STRBP: variants seen among roughly 807,000 people sequenced by gnomAD.
The protein encoded by STRBP is spermatid perinuclear RNA-binding protein.
Under a neutral mutation model 80.1 loss-of-function variants are expected in STRBP, and 13 were observed. The ratio of observed to expected loss-of-function variants is 0.16; its 90% CI spans 0.11 to 0.26. The LOEUF (loss-of-function observed/expected upper bound fraction) is 0.26. Among genes scored for constraint, STRBP ranks in the 10% least tolerant of loss-of-function variants. The probability of loss-of-function intolerance (pLI) is 1.00; values close to 1 mark genes in which losing one functional copy is unlikely to be tolerated. For missense variants in STRBP, 485 were observed against 815.2 expected, an observed-to-expected ratio of 0.59 and a Z score of 4.93; for synonymous variants, 284 against 291.2, an observed-to-expected ratio of 0.98 and a Z score of 0.25.
At chr9:123,140,965 T>C (rs992805099) in intron 13 of STRBP, among the ~76,000 whole-genome samples, 4 of 152,236 alleles carry the variant, frequency 2.6e-5, no homozygotes, top group African/African-American at 4.8e-5. Flanking sequence ...GAGGTTGATA[T>C]AGCTTTGTCA....
Position 123,203,353 on chromosome 9 carries a change from G to GAA in STRBP, c.-164-19057_-164-19056dup, listed in dbSNP as rs199781674. ...ACAGCAAGATCCCATCCCTAAAAAA[G>GAA]AAAAAAAAAAAAGAATCTAAATTAC... On this transcript the variant is annotated intron_variant, in intron 2 of 18. Transcript: ENST00000348403. Among the ~76,000 whole-genome samples the GAA allele has an allele frequency of 1.6e-4, 22 of 135,094 alleles. No individual in the cohort carries two copies. The East Asian group carries it at 3.0e-3, about 19-fold the overall frequency. 88.6% of individuals were successfully genotyped at this position (135,094 alleles called of 152,430 possible). A position where few individuals can be genotyped will look rare whatever the true frequency, so the allele number is the denominator to read the frequency against.
At chr9:123,137,871 T>C (rs1419551802) in intron 14 of STRBP, among the ~76,000 whole-genome samples, 1 of 152,184 alleles carries the variant, frequency 6.6e-6, no homozygotes, top group Non-Finnish European at 1.5e-5. Context: ...TAAACATCTC[T>C]TCTTGATGAG....
At position 123,110,670 on chromosome 9, in the gene STRBP, G is replaced by A. The variant is rs567993266; in HGVS notation, c.*85-917C>T. The stretch of plus-strand genomic sequence containing the variant: ...TAAGCCCTGGTATGCTGGAAAGGAC[G>A]TCCACCTGGAGGCTGGAGACAGCTC... On this transcript the variant is annotated intron_variant and NMD_transcript_variant, in intron 3 of 3. Coordinates refer to the STRBP transcript ENST00000471564. The surrounding 1 kb of genome is among the most constrained non-coding windows in gnomAD (Gnocchi z 4.1). 11 of 169,520 alleles carry A rather than the reference G, an allele frequency of 6.5e-5. No homozygotes were observed. The South Asian group carries it at 8.1e-4, about 13-fold the overall frequency. The allele number at this position is 169,520 out of a possible 1,614,324, so 10.5% of individuals were successfully genotyped here.
intron 1 of STRBP, among the ~76,000 whole-genome samples, chr9:123,259,197 C>T (rs1287577228): frequency 6.6e-6 from 1 of 151,920 alleles, no homozygotes; most frequent in Admixed American, 6.6e-5. Flanking sequence ...CCTAAGGGAT[C>T]AGATGTAATG....
chr9:123,207,571 C>T (rs1211077268), intron 2 of STRBP, among the ~76,000 whole-genome samples: 3 of 151,836 alleles, frequency 2.0e-5, no homozygotes, highest in Admixed American at 6.6e-5. Context: ...AGGATTAGAA[C>T]ACATCAGGAA....
chr9:123,117,989 T>TA (rs2035673563), downstream of STRBP, among the ~76,000 whole-genome samples: 1 of 152,210 alleles, frequency 6.6e-6, no homozygotes, highest in South Asian at 2.1e-4. Context: ...GAGCCCTATT[T>TA]TAGGCCAGGT....
chr9:123,168,231 G>A, intron 6 of STRBP: 1 of 983,426 alleles, frequency 1.0e-6, no homozygotes, highest in Non-Finnish European at 1.2e-6. Flanking sequence ...TCATTTTATA[G>A]TTCTACAGTT....
At chr9:123,139,726 C>T (rs185384439) in intron 13 of STRBP, 39 bp from the exon 14 acceptor site, 14 of 1,590,212 alleles carry the variant, frequency 8.8e-6, no homozygotes, top group South Asian at 8.1e-5. Context: ...TATTCAGACA[C>T]GAGAAACCAG....
At chr9:123,162,001 C>T (rs1000007828) in intron 6 of STRBP, among the ~76,000 whole-genome samples, 3 of 152,076 alleles carry the variant, frequency 2.0e-5, no homozygotes, top group Admixed American at 2.0e-4. Flanking sequence ...ACAATTAAGT[C>T]GGATTTACCA....
intron 6 of STRBP, among the ~76,000 whole-genome samples, chr9:123,164,715 C>T (rs1291996027): frequency 1.3e-5 from 2 of 152,154 alleles, no homozygotes; most frequent in Admixed American, 1.3e-4. Context: ...CAGGATGAAA[C>T]TGAGCTACTA....
At chr9:123,116,396 TCA>T (rs2035645467) in intron 2 of STRBP, among the ~76,000 whole-genome samples, 2 of 152,170 alleles carry the variant, frequency 1.3e-5, no homozygotes, top group Non-Finnish European at 2.9e-5. Context: ...ATTATAGGGT[TCA>T]GTTACAGTAT....
At chr9:123,132,619 C>T (rs1167616540) in intron 17 of STRBP, among the ~76,000 whole-genome samples, 1 of 152,208 alleles carries the variant, frequency 6.6e-6, no homozygotes, top group Non-Finnish European at 1.5e-5. Flanking sequence ...CAACCAAATG[C>T]AATTTGCTCA....
chr9:123,135,840 T>C (rs945809664), intron 16 of STRBP: 2 of 521,690 alleles, frequency 3.8e-6, no homozygotes, highest in Admixed American at 6.5e-5. Context: ...TGTACATATA[T>C]ATTTTGTTTA....
At chr9:123,234,820 C>T (rs1359707049) in intron 2 of STRBP, among the ~76,000 whole-genome samples, 1 of 151,930 alleles carries the variant, frequency 6.6e-6, no homozygotes, top group Non-Finnish European at 1.5e-5. Context: ...ATTAGCCAGG[C>T]ATGGGGGTGC....
chr9:123,185,174 C>A (rs1450024783), intron 2 of STRBP, among the ~76,000 whole-genome samples: 1 of 151,750 alleles, frequency 6.6e-6, no homozygotes, highest in East Asian at 1.9e-4. Flanking sequence ...AATTTACATA[C>A]CATATATCGT....
intron 1 of STRBP, among the ~76,000 whole-genome samples, chr9:123,244,311 G>C (rs2040756972): frequency 6.6e-6 from 1 of 152,158 alleles, no homozygotes; most frequent in Non-Finnish European, 1.5e-5. Flanking sequence ...GGGTACAGGA[G>C]GGCTGAACAG....
rs537963323 is a variant in STRBP, at chr9:123,115,699, C to T, written c.*84+230G>A. ...AGCATCACCAGTCAACATCAGAGTTCGTCCAAACTGACATTCCACAGCATT... is the reference window on the plus strand; with the variant it reads ...AGCATCACCAGTCAACATCAGAGTTTGTCCAAACTGACATTCCACAGCATT... On this transcript the variant is annotated intron_variant and NMD_transcript_variant, in intron 3 of 3. Transcript: ENST00000471564. The surrounding 1 kb of genome is among the most constrained non-coding windows in gnomAD (Gnocchi z 5.0). 9 of 334,350 alleles carry T rather than the reference C, an allele frequency of 2.7e-5. No individual in the cohort carries two copies. Among genetic ancestry groups the T allele is most frequent in the Admixed American group, 8.1e-5 (2 of 24,770 alleles). The allele number at this position is 334,350 out of a possible 1,614,324, so 20.7% of individuals were successfully genotyped here.
intron 16 of STRBP, among the ~76,000 whole-genome samples, chr9:123,133,551 T>C (rs1280242564): frequency 1.3e-5 from 2 of 152,066 alleles, no homozygotes; most frequent in African/African-American, 4.8e-5. Context: ...TTTGGTTTTT[T>C]TTTTTGAGAC....
chr9:123,140,161 G>A (rs757402398), intron 13 of STRBP, among the ~76,000 whole-genome samples: 1 of 152,174 alleles, frequency 6.6e-6, no homozygotes, highest in East Asian at 1.9e-4. Context: ...TAAGTTATAT[G>A]ACTCAATCCA....
Sources: gnomAD v4.1 joint callset for allele counts (sites outside exome capture counted in the v4.1 genomes callset) on GRCh38, gnomAD v4.1.1 for gene constraint, Gnocchi (gnomAD v3.1) non-coding constraint, MANE v1.5 for transcripts, NCBI Gene and HGNC (gene_info 2026-07-23, HGNC 2026-07-21) for gene names.